The following GPC6 variants were observed in gnomAD, a reference collection of about 807,000 sequenced individuals.
GPC6 encodes glypican 6.
A neutral mutation model predicts 55.2 loss-of-function variants in GPC6; 14 were observed. That is an observed-to-expected ratio of 0.25 (90% CI 0.17 to 0.40). GPC6 has a LOEUF of 0.40. GPC6 is among the 10% of genes least tolerant of loss of function. The pLI is 1.00. For synonymous variants in GPC6, 278 were observed against 259.6 expected (o/e 1.07, Z -0.68); for missense variants, 641 against 708.5 (o/e 0.90, Z 1.08).
At chr13:93,298,686 A>C (rs996058985) in intron 1 of GPC6, among the ~76,000 whole-genome samples, 1 of 151,664 alleles carries the variant, frequency 6.6e-6, no homozygotes, top group African/African-American at 2.4e-5. Flanking sequence ...AGGCTCAAGC[A>C]ATTGGCCCGC....
intron 4 of GPC6, among the ~76,000 whole-genome samples, chr13:94,227,501 G>A (rs1256200601): frequency 6.6e-6 from 1 of 152,166 alleles, no homozygotes; most frequent in Non-Finnish European, 1.5e-5. Flanking sequence ...ATTCTAAATT[G>A]CACAAAGTTG....
intron 3 of GPC6, among the ~76,000 whole-genome samples, chr13:94,015,399 T>C (rs1051029450): frequency 3.9e-5 from 6 of 152,092 alleles, no homozygotes; most frequent in African/African-American, 1.2e-4. Context: ...TTTTGTGGAG[T>C]TGTGTATATG....
At chr13:93,668,451 C>T (rs887536875) in intron 2 of GPC6, among the ~76,000 whole-genome samples, 3 of 152,184 alleles carry the variant, frequency 2.0e-5, no homozygotes, top group Non-Finnish European at 2.9e-5. Flanking sequence ...GTCCCAATCT[C>T]AGGAACCTAT....
intron 3 of GPC6, among the ~76,000 whole-genome samples, chr13:93,844,627 G>T (rs574907439): frequency 2.1e-4 from 32 of 149,206 alleles, no homozygotes; most frequent in African/African-American, 7.2e-4. Context: ...TTCTTTTGCT[G>T]TGCAGAAGCT....
At chr13:94,278,156 C>A (rs1892268496) in intron 4 of GPC6, among the ~76,000 whole-genome samples, 1 of 152,100 alleles carries the variant, frequency 6.6e-6, no homozygotes, top group African/African-American at 2.4e-5. Context: ...CTTCACATCC[C>A]TTGTTAGTTG....
intron 3 of GPC6, among the ~76,000 whole-genome samples, chr13:93,964,143 G>A (rs1289959349): frequency 6.6e-6 from 1 of 152,176 alleles, no homozygotes; most frequent in Non-Finnish European, 1.5e-5. Flanking sequence ...AAGACTTTTA[G>A]AGGTCATGGA....
chr13:94,070,003 A>G (rs1430102128), intron 4 of GPC6, among the ~76,000 whole-genome samples: 1 of 152,170 alleles, frequency 6.6e-6, no homozygotes, highest in Non-Finnish European at 1.5e-5. Context: ...TACTGCTACC[A>G]ATTTACTGTA....
chr13:93,425,038 C>A (rs1877071828), intron 1 of GPC6, among the ~76,000 whole-genome samples: 1 of 151,956 alleles, frequency 6.6e-6, no homozygotes, highest in Admixed American at 6.6e-5. Flanking sequence ...AGGGCTGGGA[C>A]AAGGGTAGGG....
intron 3 of GPC6, among the ~76,000 whole-genome samples, chr13:93,960,843 T>C: frequency 6.7e-6 from 1 of 149,896 alleles, no homozygotes; most frequent in Admixed American, 6.7e-5. Flanking sequence ...GACAGAGTCT[T>C]GCTCTGTCGC....
At chr13:93,556,501 G>GTATCT (rs947189814) in intron 2 of GPC6, among the ~76,000 whole-genome samples, 16 of 150,092 alleles carry the variant, frequency 1.1e-4, no homozygotes, top group African/African-American at 3.9e-4. Flanking sequence ...GGAGAATGGA[G>GTATCT]TATCCATCCC....
At chr13:94,347,845 T>C (rs1221276141) in intron 6 of GPC6, among the ~76,000 whole-genome samples, 1 of 152,220 alleles carries the variant, frequency 6.6e-6, no homozygotes, top group Non-Finnish European at 1.5e-5. Context: ...CAACCATGTT[T>C]GGGATAGTTT....
At chr13:93,796,553 T>TA (rs1316009450) in intron 2 of GPC6, among the ~76,000 whole-genome samples, 4 of 152,118 alleles carry the variant, frequency 2.6e-5, no homozygotes, top group East Asian at 3.9e-4. Flanking sequence ...GACGTTAAAT[T>TA]AAAAAAATCA....
chr13:93,541,684 AC>A (rs1200342089), intron 1 of GPC6, among the ~76,000 whole-genome samples: 2 of 140,934 alleles, frequency 1.4e-5, no homozygotes, highest in Non-Finnish European at 3.1e-5. Flanking sequence ...CCTCTCCAGC[AC>A]CTGTTGTTTC....
At chr13:93,626,904 C>A (rs1879226651) in intron 2 of GPC6, among the ~76,000 whole-genome samples, 1 of 151,768 alleles carries the variant, frequency 6.6e-6, no homozygotes, top group African/African-American at 2.4e-5. Context: ...ACTGGGGAGG[C>A]CTCAGGAAAC....
At chr13:93,645,581 G>A (rs1052083528) in intron 2 of GPC6, among the ~76,000 whole-genome samples, 12 of 152,120 alleles carry the variant, frequency 7.9e-5, no homozygotes, top group Non-Finnish European at 1.3e-4. Context: ...TTCCTCGTAC[G>A]TTTGACTCAA....
At chr13:93,508,983 G>A (rs1199981923) in intron 1 of GPC6, among the ~76,000 whole-genome samples, 2 of 152,086 alleles carry the variant, frequency 1.3e-5, no homozygotes, top group African/African-American at 4.8e-5. Flanking sequence ...GCTTATGGTC[G>A]GTCACCTGTT....
At chr13:93,260,035 T>C (rs1266247904) in intron 1 of GPC6, among the ~76,000 whole-genome samples, 1 of 152,170 alleles carries the variant, frequency 6.6e-6, no homozygotes, top group African/African-American at 2.4e-5. Flanking sequence ...AAAGACTTTG[T>C]AATATGAAAC....
At chr13:93,955,927 G>A (rs1879488958) in intron 3 of GPC6, among the ~76,000 whole-genome samples, 1 of 151,698 alleles carries the variant, frequency 6.6e-6, no homozygotes, top group South Asian at 2.1e-4. Context: ...TTTCCCTTGT[G>A]TGTGTCTTTT....
intron 1 of GPC6, among the ~76,000 whole-genome samples, chr13:93,251,277 TGACTG>T (rs896877826): frequency 6.6e-6 from 1 of 152,162 alleles, no homozygotes; most frequent in Non-Finnish European, 1.5e-5. Context: ...TTTCTCTTTC[TGACTG>T]GAATTCAAGC....
Sources: allele counts gnomAD v4.1 joint callset (sites outside exome capture counted in the v4.1 genomes callset), GRCh38; gene constraint gnomAD v4.1.1; transcripts MANE v1.5; gene names NCBI Gene and HGNC (gene_info 2026-07-23, HGNC 2026-07-21).